Variants in MALAT1 observed in about 807,000 individuals in gnomAD.
The protein encoded by MALAT1 is metastasis associated lung adenocarcinoma transcript 1.
chr11:65,503,213 A>T (rs772958453), exon 3 of MALAT1: 2 of 513,550 alleles, frequency 3.9e-6, no homozygotes, highest in African/African-American at 3.9e-5. Flanking sequence ...TTGCATCTGC[A>T]GTATTGCATG....
At chr11:65,505,357 A>T in intron 3 of MALAT1, 1 of 518,266 alleles carries the variant, frequency 1.9e-6, no homozygotes, top group Middle Eastern at 3.2e-4. Flanking sequence ...GGAGTGAAGC[A>T]TCCGAAGGAA....
exon 3 of MALAT1, chr11:65,503,811 A>C (rs1326629337): frequency 1.9e-6 from 1 of 516,136 alleles, no homozygotes; most frequent in Admixed American, 2.0e-5. Context: ...CAGGAAAGAC[A>C]AATTTTATTC....
chr11:65,498,638 A>G (rs1854458606), intron 1 of MALAT1: 1 of 518,572 alleles, frequency 1.9e-6, no homozygotes, highest in South Asian at 1.4e-5. Flanking sequence ...TGCGTAATGG[A>G]AAGTAAAGCC....
exon 3 of MALAT1, chr11:65,502,082 G>A (rs1274687870): frequency 1.9e-6 from 1 of 516,792 alleles, no homozygotes; most frequent in Non-Finnish European, 3.9e-6. Flanking sequence ...ATGAGCCACT[G>A]GGTGTACCAG....
At chr11:65,504,624 G>T (rs370082548) in intron 3 of MALAT1, 58 of 518,828 alleles carry the variant, frequency 1.1e-4, no homozygotes, top group Middle Eastern at 9.5e-4. Flanking sequence ...ATTTCTGGTG[G>T]TGGGAGGGGA....
Position 65,499,132 on chromosome 11 carries a change from A to C in MALAT1, n.395A>C, listed in dbSNP as rs773201877. 11 of 517,656 alleles carry C rather than the reference A, an allele frequency of 2.1e-5. No homozygotes were observed. The East Asian group carries it at 3.3e-4, about 15-fold the overall frequency. 32.1% of individuals were successfully genotyped at this position (517,656 alleles called of 1,614,324 possible). On this transcript the variant is annotated non_coding_transcript_exon_variant, in exon 3 of 4. Coordinates refer to ENST00000619449, the Ensembl canonical transcript of MALAT1. Reference sequence around the variant, plus strand: ...GCAGATAAGTTTTTTTCTCTTTGAAAGATAGAGATTAATACAACTACTTAA... The same window carrying C: ...GCAGATAAGTTTTTTTCTCTTTGAACGATAGAGATTAATACAACTACTTAA...
chr11:65,501,755 C>T (rs1854550818), exon 3 of MALAT1: 1 of 518,814 alleles, frequency 1.9e-6, no homozygotes, highest in Admixed American at 1.9e-5. Context: ...ATTCAGTCAT[C>T]TCAGGAGAAC....
At chr11:65,504,747 T>G (rs1785822588) in intron 3 of MALAT1, 1 of 518,900 alleles carries the variant, frequency 1.9e-6, no homozygotes, top group African/African-American at 1.9e-5. Flanking sequence ...TTTAAACAGT[T>G]CAGTGATCTT....
exon 3 of MALAT1, chr11:65,503,135 T>A (rs781294493): frequency 2.0e-6 from 1 of 508,572 alleles, no homozygotes. Context: ...CTCTTCGTTA[T>A]CAGAAGAGTT....
At chr11:65,504,436 G>C (rs747485067) in intron 3 of MALAT1, 2 of 518,876 alleles carry the variant, frequency 3.9e-6, no homozygotes, top group Non-Finnish European at 7.7e-6. Context: ...GAAACGACTG[G>C]AGTATGATTA....
chr11:65,498,501 G>A (rs567305319), intron 1 of MALAT1: 3 of 517,238 alleles, frequency 5.8e-6, no homozygotes, highest in African/African-American at 5.8e-5. Flanking sequence ...GTGCTGCTCC[G>A]ATTTCTCGAA....
At chr11:65,498,277 C>G (rs372891887) in intron 1 of MALAT1, 1 of 518,704 alleles carries the variant, frequency 1.9e-6, no homozygotes, top group South Asian at 1.4e-5. Context: ...GCCTTGTGAG[C>G]ACTTTCAGGA....
At chr11:65,503,975 T>C (rs765710711) in intron 3 of MALAT1, 23 of 516,002 alleles carry the variant, frequency 4.5e-5, no homozygotes, top group South Asian at 3.2e-4. Flanking sequence ...GTCTATAAAT[T>C]GACAGTGATT....
At chr11:65,502,120 A>G (rs755397206) in exon 3 of MALAT1, 4 of 515,790 alleles carry the variant, frequency 7.8e-6, no homozygotes, top group African/African-American at 1.9e-5. Context: ...GGAAAGTGTC[A>G]TAATTTGATA....
chr11:65,501,710 G>C, exon 3 of MALAT1: 1 of 519,016 alleles, frequency 1.9e-6, no homozygotes, highest in Non-Finnish European at 3.8e-6. Context: ...CCCAGTTGAA[G>C]CTGAAAAGTA....
intron 1 of MALAT1, chr11:65,498,174 G>A: frequency 1.9e-6 from 1 of 518,874 alleles, no homozygotes; most frequent in South Asian, 1.4e-5. Context: ...TCCCTGACTG[G>A]CTGCCCAAGG....
exon 3 of MALAT1, chr11:65,501,596 C>G (rs1036066148): frequency 3.9e-6 from 2 of 518,744 alleles, no homozygotes; most frequent in African/African-American, 1.9e-5. Flanking sequence ...TCCACAGATG[C>G]TATAGTACTA....
At chr11:65,506,311 A>G (rs1465414572) in exon 4 of MALAT1, 3 of 464,366 alleles carry the variant, frequency 6.5e-6, no homozygotes, top group South Asian at 4.8e-5. Context: ...TTGATGTATA[A>G]TTTGTCAGGA....
rs754776307 is a variant in MALAT1, at chr11:65,504,077, C to T, written n.5168+172C>T. ...GTAGGCAATGTTTTACACTATTGAC[C>T]TTATATAGGGAAGGGAGGGGGTGCC... is the stretch of plus-strand genomic sequence containing the variant. On this transcript the variant is annotated intron_variant and non_coding_transcript_variant, in intron 3 of 3. Transcript: ENST00000619449. The T allele has an allele frequency of 1.5e-5, 8 of 517,700 alleles. No individual in the cohort carries two copies. The East Asian group carries it at 3.8e-4, about 25-fold the overall frequency. 32.1% of individuals were successfully genotyped at this position (517,700 alleles called of 1,614,324 possible).
Sources: allele counts gnomAD v4.1 joint callset, GRCh38; gene constraint gnomAD v4.1.1; transcripts MANE v1.5; gene names NCBI Gene and HGNC (gene_info 2026-07-23, HGNC 2026-07-21).